CLIC4: variants seen among roughly 807,000 people sequenced by gnomAD.
CLIC4 encodes chloride intracellular channel protein 4.
CLIC4 carries 13 observed loss-of-function variants against 24.6 expected under a neutral mutation model. That is an observed-to-expected ratio of 0.53 (90% confidence interval 0.34 to 0.84). The LOEUF (loss-of-function observed/expected upper bound fraction) is 0.84, where lower values mean the gene tolerates loss of function less well. Ranked by LOEUF, CLIC4 falls within the 40% of genes least tolerant of loss-of-function variation. The probability of loss-of-function intolerance (pLI) is 0.01; values close to 1 mark genes in which losing one functional copy is unlikely to be tolerated. For missense variants in CLIC4, 227 were observed against 301.7 expected, an observed-to-expected ratio of 0.75 and a Z score of 1.83; for synonymous variants, 104 against 111.3, an observed-to-expected ratio of 0.93 and a Z score of 0.41.
chr1:24,771,797 A>G, intron 1 of CLIC4: 3 of 503,872 alleles, frequency 6.0e-6, no homozygotes, highest in Non-Finnish European at 1.2e-5. Flanking sequence ...TAAACCTAAC[A>G]GATTGGTTTA....
chr1:24,770,310 A>G (rs540039579), intron 1 of CLIC4, among the ~76,000 whole-genome samples: 1 of 151,924 alleles, frequency 6.6e-6, no homozygotes, highest in South Asian at 2.1e-4. Flanking sequence ...GTTGGTAGAA[A>G]AAAAAAAAAA....
intron 1 of CLIC4, among the ~76,000 whole-genome samples, chr1:24,755,124 T>C (rs1045036301): frequency 2.0e-5 from 3 of 150,848 alleles, no homozygotes; most frequent in Non-Finnish European, 4.4e-5. Flanking sequence ...CTCATCTCTA[T>C]AAAAACTAAA....
At chr1:24,806,446 C>G (rs1411738071) in intron 2 of CLIC4, among the ~76,000 whole-genome samples, 1 of 152,162 alleles carries the variant, frequency 6.6e-6, no homozygotes, top group Non-Finnish European at 1.5e-5. Flanking sequence ...GGAATCAGGA[C>G]CTGCCATGGT....
chr1:24,745,458 C>G lies in CLIC4; in HGVS notation c.-96C>G, dbSNP rs1346534839. On this transcript the variant is annotated 5_prime_UTR_variant, in exon 1 of 6. Transcript: ENST00000374379. ...GCTCGACGCCGGACAGTCCAGCGAG[C>G]AGCACGGCGGGAACCGGCAGCCGGA... 8.8e-7 allele frequency: 1 copy of G among 1,141,584 alleles called. No homozygotes were observed. Among genetic ancestry groups the G allele is most frequent in the Non-Finnish European group, 1.3e-6 (1 of 797,154 alleles). The allele number at this position is 1,141,584 out of a possible 1,614,324, so 70.7% of individuals were successfully genotyped here.
intron 3 of CLIC4, among the ~76,000 whole-genome samples, chr1:24,821,288 C>G (rs116576828): frequency 6.6e-6 from 1 of 152,076 alleles, no homozygotes; most frequent in Admixed American, 6.5e-5. Flanking sequence ...ATGGAATATT[C>G]TGGATTCTTA....
At chr1:24,776,895 A>G (rs370586179) in intron 1 of CLIC4, among the ~76,000 whole-genome samples, 48 of 152,228 alleles carry the variant, frequency 3.2e-4, no homozygotes, top group African/African-American at 1.1e-3. Flanking sequence ...CTGGGCGACA[A>G]GAGCAAAACT....
intron 1 of CLIC4, among the ~76,000 whole-genome samples, chr1:24,750,644 C>T (rs1469517871): frequency 2.0e-5 from 3 of 151,936 alleles, no homozygotes; most frequent in Non-Finnish European, 2.9e-5. Flanking sequence ...GGATTACAGG[C>T]GTGAGCCACC....
intron 1 of CLIC4, among the ~76,000 whole-genome samples, chr1:24,786,299 G>A (rs1323388719): frequency 6.6e-6 from 1 of 152,226 alleles, no homozygotes; most frequent in Non-Finnish European, 1.5e-5. Context: ...TTCTAAGTGA[G>A]CAGTTCCTTA....
At chr1:24,778,640 T>G (rs996231066) in intron 1 of CLIC4, among the ~76,000 whole-genome samples, 5 of 152,246 alleles carry the variant, frequency 3.3e-5, no homozygotes, top group African/African-American at 1.2e-4. Flanking sequence ...AAAGAAGAGA[T>G]ATTGCCTCCG....
At chr1:24,838,523 A>G (rs906861729) in intron 4 of CLIC4, among the ~76,000 whole-genome samples, 1 of 152,198 alleles carries the variant, frequency 6.6e-6, no homozygotes, top group African/African-American at 2.4e-5. Flanking sequence ...CATTGCTGGT[A>G]AAATATCTAA....
At chr1:24,827,564 T>C (rs1162156769) in intron 4 of CLIC4, among the ~76,000 whole-genome samples, 2 of 140,390 alleles carry the variant, frequency 1.4e-5, no homozygotes, top group Non-Finnish European at 3.1e-5. Flanking sequence ...TTTTTTTTGC[T>C]TTGTTTTGTT....
rs1423323837 is a variant in CLIC4 at position 24,781,132 on chromosome 1, GA to G, written c.73-16608del. On this transcript the variant is annotated intron_variant, in intron 1 of 5. Transcript: ENST00000374379. ...AAAGAAATTGAAAGGACAGGTAACT[GA>G]ATTTTTTTTTTTTTTTTTTGAGACA... Among the ~76,000 whole-genome samples the G allele has an allele frequency of 6.4e-3, 769 of 119,718 alleles. 5 individuals carry two copies. Among genetic ancestry groups the G allele is most frequent in the African/African-American group, 0.022 (726 of 32,586 alleles). The allele number at this position is 119,718 out of a possible 152,430, so 78.5% of individuals were successfully genotyped here. A position where few individuals can be genotyped will look rare whatever the true frequency, so the allele number is the denominator to read the frequency against.
At chr1:24,779,317 A>G (rs1422402438) in intron 1 of CLIC4, among the ~76,000 whole-genome samples, 1 of 152,038 alleles carries the variant, frequency 6.6e-6, no homozygotes, top group Non-Finnish European at 1.5e-5. Flanking sequence ...AAAAAATACA[A>G]AAATTAGCCA....
intron 2 of CLIC4, 77 bp from the exon 3 acceptor site, chr1:24,814,017 A>G: frequency 1.3e-6 from 2 of 1,583,212 alleles, no homozygotes; most frequent in Non-Finnish European, 1.7e-6. Flanking sequence ...GTGCCTGGCC[A>G]ACTTTGAGAA....
At chr1:24,827,205 T>C in intron 4 of CLIC4, 89 bp downstream of exon 4, 1 of 767,428 alleles carries the variant, frequency 1.3e-6, no homozygotes, top group Non-Finnish European at 2.2e-6. Flanking sequence ...AAATGAGTAC[T>C]TTAGAGTCCA....
chr1:24,778,939 C>A (rs968299303), intron 1 of CLIC4, among the ~76,000 whole-genome samples: 41 of 152,098 alleles, frequency 2.7e-4, no homozygotes, highest in East Asian at 5.8e-4. Context: ...AAGAAACTCA[C>A]GACATTAATT....
intron 1 of CLIC4, among the ~76,000 whole-genome samples, chr1:24,782,031 A>T (rs529987554): frequency 6.6e-6 from 1 of 152,336 alleles, no homozygotes; most frequent in East Asian, 1.9e-4. Flanking sequence ...GTAATTGATC[A>T]TAATTTGGTC....
intron 1 of CLIC4, among the ~76,000 whole-genome samples, chr1:24,779,331 A>G (rs1639177289): frequency 6.6e-6 from 1 of 152,040 alleles, no homozygotes. Context: ...TTAGCCAGGC[A>G]TGGTGGTACG....
chr1:24,811,496 A>G (rs1313782384), intron 2 of CLIC4, among the ~76,000 whole-genome samples: 2 of 151,438 alleles, frequency 1.3e-5, no homozygotes, highest in African/African-American at 4.9e-5. Context: ...GTTTTGAGAC[A>G]GGGTCTCACT....
Sources: gnomAD v4.1 joint callset for allele counts (sites outside exome capture counted in the v4.1 genomes callset) on GRCh38, gnomAD v4.1.1 for gene constraint, MANE v1.5 for transcripts, NCBI Gene and HGNC (gene_info 2026-07-23, HGNC 2026-07-21) for gene names.